The following DOP1B variants were observed in gnomAD, a reference collection of about 807,000 sequenced individuals.
DOP1B encodes the protein DOP1 leucine zipper like protein B.
DOP1B carries 174 observed loss-of-function variants against 233.5 expected under a neutral mutation model. The observed-to-expected ratio is 0.75, with a 90% confidence interval of 0.66 to 0.85. The LOEUF is 0.85. DOP1B is among the 40% of genes least tolerant of loss of function. DOP1B has a pLI of 0.00. For missense variants in DOP1B, 2,652 were observed against 2,846.6 expected, an observed-to-expected ratio of 0.93 and a Z score of 1.56; for synonymous variants, 1,190 against 1,185.6, an observed-to-expected ratio of 1.00 and a Z score of -0.08.
rs538065351 is a variant in DOP1B, at chr21:36,231,838, C to A, written c.2350+704C>A. ...GACTACAGGCACGTGCCACTACGCC[C>A]AGCTAATTTTTTTTTTTTTTTTTTT... On this transcript the variant is annotated intron_variant, in intron 14 of 36. Coordinates refer to ENST00000691173, the MANE Select transcript of DOP1B (RefSeq NM_001320714.2). Among the ~76,000 whole-genome samples the A allele has an allele frequency of 2.1e-5, 3 of 143,618 alleles. No homozygotes were observed. In the South Asian group the frequency reaches 6.9e-4, roughly 33 times the overall value. The allele number at this position is 143,618 out of a possible 152,430, so 94.2% of individuals were successfully genotyped here. A position where few individuals can be genotyped will look rare whatever the true frequency, so the allele number is the denominator to read the frequency against.
At chr21:36,187,411 G>A (rs555095791) in intron 2 of DOP1B, among the ~76,000 whole-genome samples, 1 of 150,842 alleles carries the variant, frequency 6.6e-6, no homozygotes, top group East Asian at 2.0e-4. Flanking sequence ...TCTCCTGCCT[G>A]AGCCTCCTGA....
chr21:36,261,478 A>G lies in DOP1B; in HGVS notation c.5315+746A>G, dbSNP rs1052851463. On this transcript the variant is annotated intron_variant, in intron 24 of 36. Coordinates refer to ENST00000691173, the MANE Select transcript of DOP1B (RefSeq NM_001320714.2). Reference sequence around the variant, plus strand: ...TTTGATTTGCTAAGTTAATATATGTATTAGGTGTCTCAGCTAAGAGAGCAT... The same window carrying G: ...TTTGATTTGCTAAGTTAATATATGTGTTAGGTGTCTCAGCTAAGAGAGCAT... The G allele has an allele frequency of 4.1e-6, 4 of 985,126 alleles. No individual in the cohort carries two copies. In the African/African-American group the frequency reaches 5.3e-5, roughly 13 times the overall value. The allele number at this position is 985,126 out of a possible 1,614,324, so 61.0% of individuals were successfully genotyped here.
intron 1 of DOP1B, among the ~76,000 whole-genome samples, chr21:36,159,427 G>A (rs1026907271): frequency 1.3e-5 from 2 of 152,132 alleles, no homozygotes; most frequent in Non-Finnish European, 2.9e-5. Context: ...CTCCAGCCCG[G>A]TCAACAAGAG....
At position 36,245,452 on chromosome 21, in the gene DOP1B, C is replaced by G; in HGVS notation, c.3472C>G (p.Arg1158Gly). 6.2e-7 allele frequency: 1 copy of G among 1,613,948 alleles called. No homozygotes were observed. The highest frequency in any genetic ancestry group is 1.1e-5 in the South Asian group (1 of 91,088). ...CATGGGGGGCAGGGCGTACCCCAAGCGCTCGGCCCTGCTGGCGGCCTTCCA... is the reference window on the plus strand; with the variant it reads ...CATGGGGGGCAGGGCGTACCCCAAGGGCTCGGCCCTGCTGGCGGCCTTCCA... Reference protein sequence around the residue: ...IPMGGRAYPKRSALLAAFQSE... With the variant: ...IPMGGRAYPKGSALLAAFQSE... Residue 1158 changes from arginine to glycine, a missense_variant, in exon 19 of 37, where the codon CGC becomes GGC. By Grantham distance (125) the Arg-to-Gly change is moderately radical. Around this residue, in one of 3 missense-constraint regions of DOP1B, gnomAD observed 2,617 missense variants for 2,794.3 expected, o/e 0.94. Coordinates refer to ENST00000691173, the MANE Select transcript of DOP1B (RefSeq NM_001320714.2). The surrounding 1 kb of genome is among the most constrained non-coding windows in gnomAD (Gnocchi z 5.5).
At chr21:36,205,022 TG>T (rs2066412007) in intron 4 of DOP1B, among the ~76,000 whole-genome samples, 1 of 152,216 alleles carries the variant, frequency 6.6e-6, no homozygotes, top group South Asian at 2.1e-4. Context: ...GCTTTTTTTT[TG>T]CCCCCTCTTT....
In DOP1B at chr21:36,223,293, C is replaced by A; in HGVS notation, c.1313C>A (p.Ser438Tyr). Residue 438 changes from serine to tyrosine, a missense_variant, in exon 11 of 37, where the codon TCT becomes TAT. By Grantham distance (144) the Ser-to-Tyr change is moderately radical. Around this residue, in one of 3 missense-constraint regions of DOP1B, gnomAD observed 2,617 missense variants for 2,794.3 expected, o/e 0.94. Transcript: ENST00000691173. ...IVKTVNLLIT[S>Y]LSTDFLWDYM... Reference sequence around the variant, plus strand: ...AAAACGGTAAATTTGCTGATAACTTCTCTAAGCACAGACTTTCTCTGGGAT... The same window carrying A: ...AAAACGGTAAATTTGCTGATAACTTATCTAAGCACAGACTTTCTCTGGGAT... 1 of 1,610,726 alleles carries A rather than the reference C, an allele frequency of 6.2e-7. No homozygotes were observed. The highest frequency in any genetic ancestry group is 8.5e-7 in the Non-Finnish European group (1 of 1,179,252).
At chr21:36,236,776 T>C (rs899694204) in intron 15 of DOP1B, among the ~76,000 whole-genome samples, 2 of 112,882 alleles carry the variant, frequency 1.8e-5, no homozygotes, top group African/African-American at 6.0e-5. Context: ...TTTTTCTTTT[T>C]CTTTTTTTTT....
intron 13 of DOP1B, among the ~76,000 whole-genome samples, chr21:36,228,371 G>C (rs976100651): frequency 6.6e-6 from 1 of 152,062 alleles, no homozygotes; most frequent in Non-Finnish European, 1.5e-5. Context: ...GCTGAGGCTG[G>C]AGAATCTCTT....
chr21:36,171,892 G>T (rs143483410), intron 2 of DOP1B, among the ~76,000 whole-genome samples: 1 of 152,208 alleles, frequency 6.6e-6, no homozygotes, highest in African/African-American at 2.4e-5. Context: ...AAGAAATGAC[G>T]CTTTCTTGGC....
chr21:36,157,606 G>A (rs1385116018), intron 1 of DOP1B, among the ~76,000 whole-genome samples: 1 of 152,166 alleles, frequency 6.6e-6, no homozygotes, highest in Non-Finnish European at 1.5e-5. Flanking sequence ...GTAAGGCGAG[G>A]GAAGACCGTC....
chr21:36,271,785 G>A (rs892893099), intron 27 of DOP1B, among the ~76,000 whole-genome samples: 6 of 151,268 alleles, frequency 4.0e-5, no homozygotes, highest in Non-Finnish European at 8.8e-5. Flanking sequence ...ATCTGTGTGG[G>A]ATAAAGATGA....
chr21:36,184,616 G>A (rs544680797), intron 2 of DOP1B, among the ~76,000 whole-genome samples: 11 of 152,348 alleles, frequency 7.2e-5, no homozygotes, highest in Admixed American at 3.9e-4. Context: ...GAGGAAGACC[G>A]CAGACTGGAT....
In DOP1B at chr21:36,227,708, C is replaced by T. The variant is rs1415363409; in HGVS notation, c.1496C>T (p.Thr499Ile). Reference protein sequence around the residue: ...IPLELYSEVQTQYLPQVLGCL... With the variant: ...IPLELYSEVQIQYLPQVLGCL... ...CAGGAACTTTACTCTGAGGTGCAAA[C>T]CCAGTATCTCCCTCAGGTGCTCGGC... Residue 499 changes from threonine to isoleucine, a missense_variant, in exon 13 of 37, where the codon ACC becomes ATC. Physicochemically the swap from Thr to Ile is moderately conservative, Grantham distance 89. Coordinates refer to ENST00000691173, the MANE Select transcript of DOP1B (RefSeq NM_001320714.2). The T allele has an allele frequency of 3.2e-6, 5 of 1,576,728 alleles. No individual in the cohort carries two copies. The highest frequency in any genetic ancestry group is 1.4e-5 in the African/African-American group (1 of 73,946).
chr21:36,205,872 T>C (rs1412522476), intron 4 of DOP1B, among the ~76,000 whole-genome samples: 3 of 151,674 alleles, frequency 2.0e-5, no homozygotes, highest in African/African-American at 7.3e-5. Context: ...TAGCCAGGCA[T>C]GGTGGCGGCT....
intron 24 of DOP1B, chr21:36,261,374 A>C: frequency 1.0e-6 from 1 of 996,020 alleles, no homozygotes; most frequent in Non-Finnish European, 1.2e-6. Context: ...CAAAAAAAAA[A>C]AAAAAAAAAA....
chr21:36,265,342 G>C (rs569054689), intron 26 of DOP1B, among the ~76,000 whole-genome samples: 1 of 149,986 alleles, frequency 6.7e-6, no homozygotes, highest in East Asian at 2.0e-4. Context: ...GTTACAGTGA[G>C]CCGAGATCTC....
Position 36,200,373 on chromosome 21 carries a change from G to A in DOP1B, c.363G>A (p.Val121=). 1 of 1,611,040 alleles carries A rather than the reference G, an allele frequency of 6.2e-7. No individual in the cohort carries two copies. The highest frequency in any genetic ancestry group is 8.5e-7 in the Non-Finnish European group (1 of 1,178,970). Reference sequence around the variant, plus strand: ...TCCTGGCACACGCGGCGGTGTCGGTGAGGCCGGTGCTGCTCACCCTGTACG... The same window carrying A: ...TCCTGGCACACGCGGCGGTGTCGGTAAGGCCGGTGCTGCTCACCCTGTACG... The part of the protein sequence containing the change: ...FPLLAHAAVS[V]RPVLLTLYEK... The change falls in exon 4 of 37, where the codon GTG becomes GTA. Residue 121 remains valine (V), a synonymous_variant. Transcript: ENST00000691173.
At chr21:36,254,320 C>T (rs2067067421) in intron 23 of DOP1B, among the ~76,000 whole-genome samples, 1 of 152,008 alleles carries the variant, frequency 6.6e-6, no homozygotes, top group Admixed American at 6.6e-5. Context: ...AGATGTGATT[C>T]AATAACCACT....
rs547069548 is a variant in DOP1B, at chr21:36,192,175, A to G, written c.139-6895A>G. ...GGAGTTTGAGACTAGCCTGGGCAAC[A>G]TGGCGAAACCCCATCTCTACAAAAA... is the stretch of plus-strand genomic sequence containing the variant. On this transcript the variant is annotated intron_variant, in intron 2 of 36. Coordinates refer to ENST00000691173, the MANE Select transcript of DOP1B (RefSeq NM_001320714.2). Among the ~76,000 whole-genome samples, 95 of 152,162 alleles carry G rather than the reference A, an allele frequency of 6.2e-4. 1 individual carries two copies. Among genetic ancestry groups the G allele is most frequent in the African/African-American group, 2.2e-3 (93 of 41,538 alleles).
Sources: gnomAD v4.1 joint callset for allele counts (sites outside exome capture counted in the v4.1 genomes callset) on GRCh38, gnomAD v4.1.1 for gene constraint, gnomAD v4.1.1 regional missense constraint, Gnocchi (gnomAD v3.1) non-coding constraint, MANE v1.5 for transcripts, NCBI Gene and HGNC (gene_info 2026-07-23, HGNC 2026-07-21) for gene names.